The following WWOX variants were observed in gnomAD, a reference collection of about 807,000 sequenced individuals.
WWOX encodes the protein WW domain containing oxidoreductase.
WWOX carries 69 observed loss-of-function variants against 46.2 expected under a neutral mutation model. The ratio of observed to expected loss-of-function variants is 1.49; its 90% CI spans 1.23 to 1.82. The LOEUF is 1.82. Among genes scored for constraint, WWOX ranks in the 40% most tolerant of loss-of-function variants. WWOX has a pLI of 0.00. For synonymous variants in WWOX, 359 were observed against 202.6 expected (o/e 1.77, Z -6.56); for missense variants, 919 against 542.6 (o/e 1.69, Z -6.89).
At chr16:78,103,500 C>G (rs2031938133) in intron 1 of WWOX, among the ~76,000 whole-genome samples, 2 of 152,084 alleles carry the variant, frequency 1.3e-5, no homozygotes, top group Non-Finnish European at 2.9e-5. Context: ...CCTCAGTTCT[C>G]TGGATCAGGG....
At chr16:78,884,194 C>T (rs1276198077) in intron 8 of WWOX, among the ~76,000 whole-genome samples, 2 of 149,474 alleles carry the variant, frequency 1.3e-5, no homozygotes, top group East Asian at 2.0e-4. Flanking sequence ...ATCACCTGAG[C>T]CCAGGGAGGT....
At chr16:79,114,793 G>A (rs928103816) in intron 8 of WWOX, among the ~76,000 whole-genome samples, 7 of 152,198 alleles carry the variant, frequency 4.6e-5, no homozygotes, top group African/African-American at 1.7e-4. Context: ...GCCCCGAGCA[G>A]GAGCACAGCT....
chr16:78,298,791 CAA>C (rs10607151), intron 5 of WWOX, among the ~76,000 whole-genome samples: 57,501 of 136,672 alleles, frequency 0.42, 11,296 homozygotes, highest in East Asian at 0.58. Flanking sequence ...AACTCTGTCT[CAA>C]AAAAAAAAAA....
At chr16:78,668,044 C>A (rs904754032) in intron 8 of WWOX, among the ~76,000 whole-genome samples, 3 of 152,200 alleles carry the variant, frequency 2.0e-5, no homozygotes, top group South Asian at 2.1e-4. Context: ...TTTGAGAGGC[C>A]GAGGCGGGTG....
intron 8 of WWOX, among the ~76,000 whole-genome samples, chr16:78,592,555 A>T (rs1426424042): frequency 1.3e-5 from 2 of 152,158 alleles, no homozygotes; most frequent in African/African-American, 2.4e-5. Context: ...TCAGGAGGCA[A>T]AGAGAAGGAG....
At chr16:78,997,222 CTGAAATAAAATTTTAAGTGA>C (rs1156490959) in intron 8 of WWOX, among the ~76,000 whole-genome samples, 1 of 152,076 alleles carries the variant, frequency 6.6e-6, no homozygotes, top group African/African-American at 2.4e-5. Flanking sequence ...TCAAAGCAAA[CTGAAATAAAATTTTAAGTGA>C]TGCCAAAATA....
chr16:78,120,392 A>C (rs1309639697), intron 4 of WWOX, among the ~76,000 whole-genome samples: 2 of 152,034 alleles, frequency 1.3e-5, no homozygotes, highest in African/African-American at 4.8e-5. Flanking sequence ...AACAAGGTGA[A>C]ACCCCGTCTC....
intron 8 of WWOX, among the ~76,000 whole-genome samples, chr16:79,039,511 G>C (rs1361078781): frequency 6.6e-5 from 10 of 152,188 alleles, no homozygotes; most frequent in Admixed American, 1.3e-4. Context: ...ATTAGAAACA[G>C]TTGGGTCCCA....
chr16:78,961,371 C>G (rs1374732516), intron 8 of WWOX, among the ~76,000 whole-genome samples: 1 of 152,156 alleles, frequency 6.6e-6, no homozygotes, highest in Admixed American at 6.5e-5. Flanking sequence ...CTTTGACCAT[C>G]AAGGAGGTTG....
At chr16:78,775,391 C>T (rs541629275) in intron 8 of WWOX, among the ~76,000 whole-genome samples, 12 of 152,174 alleles carry the variant, frequency 7.9e-5, no homozygotes, top group Non-Finnish European at 1.8e-4. Flanking sequence ...ATGAGTAAAA[C>T]AGGGCCTGAC....
At chr16:78,908,676 G>A (rs779732428) in intron 8 of WWOX, among the ~76,000 whole-genome samples, 1 of 152,122 alleles carries the variant, frequency 6.6e-6, no homozygotes, top group African/African-American at 2.4e-5. Context: ...GAGGGTCAGG[G>A]AATGGGGAGT....
Position 78,680,869 on chromosome 16 carries a change from G to T in WWOX, c.1056+248117G>T, listed in dbSNP as rs185857254. ...CTCATGCCTGTAATCCTAGCACTTTGGGAGGATGAAGTGGGAGGAAAGTTT... is the reference window on the plus strand; with the variant it reads ...CTCATGCCTGTAATCCTAGCACTTTTGGAGGATGAAGTGGGAGGAAAGTTT... On this transcript the variant is annotated intron_variant, in intron 8 of 8. Transcript: ENST00000566780. Among the ~76,000 whole-genome samples the T allele has an allele frequency of 3.1e-3, 466 of 152,222 alleles. 3 individuals carry two copies. The highest frequency in any genetic ancestry group is 0.011 in the African/African-American group (446 of 41,550).
chr16:78,265,300 A>G (rs1275481903), intron 5 of WWOX, among the ~76,000 whole-genome samples: 1 of 152,012 alleles, frequency 6.6e-6, no homozygotes, highest in Non-Finnish European at 1.5e-5. Context: ...CAGCCAAGAA[A>G]TTAATTTCTG....
At chr16:78,416,060 C>G (rs1008806932) in intron 6 of WWOX, among the ~76,000 whole-genome samples, 1 of 152,146 alleles carries the variant, frequency 6.6e-6, no homozygotes, top group African/African-American at 2.4e-5. Flanking sequence ...AGGAGGACAA[C>G]CTTTTCTGCC....
intron 8 of WWOX, among the ~76,000 whole-genome samples, chr16:79,053,195 C>G (rs975715671): frequency 3.3e-5 from 5 of 152,212 alleles, no homozygotes; most frequent in African/African-American, 7.2e-5. Context: ...TTGACAGAAA[C>G]TAGATGGGGA....
chr16:78,795,842 A>G (rs1442912906), intron 8 of WWOX, among the ~76,000 whole-genome samples: 1 of 152,192 alleles, frequency 6.6e-6, no homozygotes, highest in African/African-American at 2.4e-5. Context: ...TGGCTAGCGT[A>G]TAGTGAGTAC....
At chr16:78,792,670 G>C (rs1234147248) in intron 8 of WWOX, among the ~76,000 whole-genome samples, 1 of 152,084 alleles carries the variant, frequency 6.6e-6, no homozygotes, top group Non-Finnish European at 1.5e-5. Flanking sequence ...ATACCTTTGG[G>C]GCAGACAATG....
chr16:79,141,151 C>G (rs532556263), intron 8 of WWOX, among the ~76,000 whole-genome samples: 25 of 152,310 alleles, frequency 1.6e-4, no homozygotes, highest in African/African-American at 5.8e-4. Context: ...ATCGGATTGC[C>G]TCCTTTGGAG....
chr16:79,146,487 G>A (rs184600433), intron 8 of WWOX, among the ~76,000 whole-genome samples: 14 of 152,224 alleles, frequency 9.2e-5, no homozygotes, highest in South Asian at 2.1e-4. Flanking sequence ...ATTTGGAGTC[G>A]TAACGAGTTT....
Sources: allele counts gnomAD v4.1 joint callset (sites outside exome capture counted in the v4.1 genomes callset), GRCh38; gene constraint gnomAD v4.1.1; transcripts MANE v1.5; gene names NCBI Gene and HGNC (gene_info 2026-07-23, HGNC 2026-07-21).